Variants in DNAAF4 observed in about 807,000 individuals in gnomAD.
DNAAF4 encodes the protein dynein axonemal assembly factor 4.
DNAAF4 carries 43 observed loss-of-function variants against 51.8 expected under a neutral mutation model. That is an observed-to-expected ratio of 0.83 (90% CI 0.65 to 1.07). DNAAF4 has a LOEUF of 1.07. DNAAF4 is among the 50% of genes least tolerant of loss of function. DNAAF4 has a pLI of 0.00. For synonymous variants in DNAAF4, 194 were observed against 165.6 expected (o/e 1.17, Z -1.32); for missense variants, 581 against 493.0 (o/e 1.18, Z -1.69).
downstream of DNAAF4, among the ~76,000 whole-genome samples, chr15:55,426,012 C>T (rs1018091568): frequency 6.6e-6 from 1 of 152,170 alleles, no homozygotes; most frequent in African/African-American, 2.4e-5. Context: ...ACTGCCCAAG[C>T]ATTTGGGAAT....
rs1555413855 is a variant in DNAAF4 at position 55,433,950 on chromosome 15, A to ATATTATATATAATATATTATAATAT, written c.1047+954_1047+955insATATTATAATATATTATATATAATA. 1.6e-3 allele frequency among the ~76,000 whole-genome samples: 53 copies of ATATTATATATAATATATTATAATAT among 33,160 alleles called. 1 individual carries two copies. The highest frequency in any genetic ancestry group is 4.9e-3 in the African/African-American group (52 of 10,538). 21.8% of individuals were successfully genotyped at this position (33,160 alleles called of 152,430 possible). A position where few individuals can be genotyped will look rare whatever the true frequency, so the allele number is the denominator to read the frequency against. ...ATATTATATAAAATATATATAATAT[A>ATATTATATATAATATATTATAATAT]TATAATATATATAATATATTTTATA... On this transcript the variant is annotated intron_variant, in intron 8 of 9. Coordinates refer to ENST00000321149, the MANE Select transcript of DNAAF4 (RefSeq NM_130810.4).
chr15:55,446,304 G>A (rs2057812186), intron 6 of DNAAF4, among the ~76,000 whole-genome samples: 6 of 87,078 alleles, frequency 6.9e-5, no homozygotes, highest in African/African-American at 3.4e-4. Flanking sequence ...GACGGGGGGG[G>A]GGGGCAGCTG....
intron 7 of DNAAF4, among the ~76,000 whole-genome samples, chr15:55,437,881 A>C (rs2057641116): frequency 6.6e-6 from 1 of 152,252 alleles, no homozygotes; most frequent in Non-Finnish European, 1.5e-5. Context: ...TCTGAATTAC[A>C]GAACTATAAG....
chr15:55,418,814 C>A, intron 7 of DNAAF4: 2 of 325,650 alleles, frequency 6.1e-6, no homozygotes, highest in Non-Finnish European at 1.1e-5. Context: ...AAAAGCCTTT[C>A]ATATTTTATT....
intron 4 of DNAAF4, among the ~76,000 whole-genome samples, chr15:55,479,357 T>C (rs554855365): frequency 3.9e-4 from 59 of 152,124 alleles, no homozygotes; most frequent in African/African-American, 1.3e-3. Context: ...TCCCAAATAA[T>C]ACTTTTATAA....
intron 8 of DNAAF4, among the ~76,000 whole-genome samples, chr15:55,433,939 A>ATATAATATTATATATTT (rs369357154): frequency 1.8e-4 from 1 of 5,510 alleles, no homozygotes; most frequent in Non-Finnish European, 2.8e-4. Flanking sequence ...TATATAAAAT[A>ATATAATATTATATATTT]TATATAATAT....
chr15:55,501,513 C>A (rs1282435136), intron 1 of DNAAF4, among the ~76,000 whole-genome samples: 1 of 150,484 alleles, frequency 6.6e-6, no homozygotes, highest in Non-Finnish European at 1.5e-5. Context: ...GTAGCTGGGA[C>A]TACAGGTGCC....
intron 5 of DNAAF4, among the ~76,000 whole-genome samples, chr15:55,459,964 A>T (rs982120429): frequency 3.9e-5 from 6 of 151,930 alleles, no homozygotes; most frequent in African/African-American, 1.5e-4. Context: ...GGCCTCCCAA[A>T]GTGCTGGGAT....
At chr15:55,488,229 T>TTA (rs2058520562) in intron 4 of DNAAF4, among the ~76,000 whole-genome samples, 1 of 152,106 alleles carries the variant, frequency 6.6e-6, no homozygotes, top group Non-Finnish European at 1.5e-5. Context: ...TAAATTTCTG[T>TTA]TAAACAACAT....
At chr15:55,442,792 A>T in intron 6 of DNAAF4, 1 of 1,608,740 alleles carries the variant, frequency 6.2e-7, no homozygotes, top group Non-Finnish European at 8.5e-7. Flanking sequence ...ACAAAGAGGG[A>T]TAGGTCTTTT....
At chr15:55,419,090 G>C (rs1032181791) in intron 7 of DNAAF4, among the ~76,000 whole-genome samples, 1 of 152,010 alleles carries the variant, frequency 6.6e-6, no homozygotes, top group South Asian at 2.1e-4. Flanking sequence ...CTAATTTTTT[G>C]TATTTTTAGT....
At chr15:55,418,840 T>G (rs2057361527) in intron 7 of DNAAF4, 2 of 259,006 alleles carry the variant, frequency 7.7e-6, no homozygotes, top group African/African-American at 4.5e-5. Flanking sequence ...ATCTATTGAG[T>G]ATACTTATCA....
chr15:55,479,273 T>G (rs1595938091), intron 4 of DNAAF4, among the ~76,000 whole-genome samples: 1 of 151,846 alleles, frequency 6.6e-6, no homozygotes, highest in Admixed American at 6.6e-5. Context: ...GGACCCCGAA[T>G]GGAGGGACTG....
chr15:55,450,441 A>G (rs1158738083), intron 5 of DNAAF4, 74 bp from the exon 6 acceptor site: 71 of 1,489,592 alleles, frequency 4.8e-5, no homozygotes, highest in Non-Finnish European at 6.1e-5. Flanking sequence ...TAAAGTAATT[A>G]CACATCAAAG....
Position 55,431,080 on chromosome 15 carries a change from A to AT in DNAAF4, c.1154-302dup, listed in dbSNP as rs565529735. ...AGGCACCTGCCACCACACCTGGCTA[A>AT]TTTTTTGTATTTTTAGTAGAGATGG... On this transcript the variant is annotated intron_variant, in intron 9 of 9. Coordinates refer to ENST00000321149, the MANE Select transcript of DNAAF4 (RefSeq NM_130810.4). 7.8e-3 allele frequency among the ~76,000 whole-genome samples: 1,181 copies of AT among 151,934 alleles called. 13 individuals carry two copies. The highest frequency in any genetic ancestry group is 0.024 in the African/African-American group (990 of 41,428).
At chr15:55,450,119 A>G in intron 6 of DNAAF4, 103 bp downstream of exon 6, 1 of 1,251,644 alleles carries the variant, frequency 8.0e-7, no homozygotes, top group Non-Finnish European at 1.1e-6. Flanking sequence ...TCTTTAGTGT[A>G]ATAAATACTT....
intron 4 of DNAAF4, among the ~76,000 whole-genome samples, chr15:55,469,083 C>T (rs1353320096): frequency 6.6e-6 from 1 of 152,078 alleles, no homozygotes; most frequent in East Asian, 1.9e-4. Flanking sequence ...GAAATCCCAG[C>T]ACTTTGGGAG....
At chr15:55,429,030 TG>T (rs1450251293), downstream of DNAAF4, among the ~76,000 whole-genome samples, 3 of 151,536 alleles carry the variant, frequency 2.0e-5, no homozygotes, top group African/African-American at 7.3e-5. Context: ...GAGACCAGCC[TG>T]GCCAACATGG....
At chr15:55,428,484 C>CTTTTTTTTTTTTTTTTTTTTTTT (rs747325376), downstream of DNAAF4, among the ~76,000 whole-genome samples, 2 of 85,012 alleles carry the variant, frequency 2.4e-5, no homozygotes, top group African/African-American at 4.2e-5. Flanking sequence ...TCTTTTTTTT[C>CTTTTTTTTTTTTTTTTTTTTTTT]TTTTTTTTTT....
Sources: gnomAD v4.1 joint callset for allele counts (sites outside exome capture counted in the v4.1 genomes callset) on GRCh38, gnomAD v4.1.1 for gene constraint, MANE v1.5 for transcripts, NCBI Gene and HGNC (gene_info 2026-07-23, HGNC 2026-07-21) for gene names.